Variants in KMT2A observed in about 807,000 individuals in gnomAD.
The protein encoded by KMT2A is histone-lysine N-methyltransferase 2A.
Under a neutral mutation model 345.3 loss-of-function variants are expected in KMT2A, and 16 were observed. The ratio of observed to expected loss-of-function variants is 0.05; its 90% CI spans 0.03 to 0.07. The LOEUF (loss-of-function observed/expected upper bound fraction) is 0.07, where lower values mean the gene tolerates loss of function less well. Ranked by LOEUF, KMT2A falls within the 10% of genes least tolerant of loss-of-function variation. The pLI is 1.00. For missense variants in KMT2A, 3,272 were observed against 4,841.6 expected (o/e 0.68, Z 9.62); for synonymous variants, 1,599 against 1,778.6 (o/e 0.90, Z 2.54).
rs1950069618 is a variant in KMT2A at position 118,478,049 on chromosome 11, G to A, written c.3417G>A (p.Lys1139=). ...IKPIKPVTRN[K]APQEPPVKKG... The stretch of plus-strand genomic sequence containing the variant: ...CAATTAAACCTGTCACTAGAAACAA[G>A]GCACCCCAGGAACCTCCAGTAAAGA... The change falls in exon 5 of 36, where the codon AAG becomes AAA. Residue 1139 remains lysine (K), a synonymous_variant. Coordinates refer to ENST00000534358, the MANE Select transcript of KMT2A (RefSeq NM_001197104.2). The A allele has an allele frequency of 1.9e-6, 3 of 1,614,090 alleles. No individual in the cohort carries two copies. The highest frequency in any genetic ancestry group is 1.1e-5 in the South Asian group (1 of 91,074).
intron 28 of KMT2A, among the ~76,000 whole-genome samples, chr11:118,507,919 C>T (rs573731379): frequency 1.3e-5 from 2 of 152,080 alleles, no homozygotes; most frequent in African/African-American, 2.4e-5. Context: ...GCTGAGATCG[C>T]GCCACTGCAC....
In KMT2A at chr11:118,478,218, C is replaced by T. The variant is rs782375454; in HGVS notation, c.3569+17C>T. ...GTGCTGCAAGTAAGTGGGTGTTTCA[C>T]TCTGAGATGTTGACCTCTCAACCAT... is the stretch of plus-strand genomic sequence containing the variant. On this transcript the variant is annotated intron_variant, in intron 5 of 35. Transcript: ENST00000534358. 15 of 1,587,368 alleles carry T rather than the reference C, an allele frequency of 9.4e-6. No homozygotes were observed. In the South Asian group the frequency reaches 1.2e-4, roughly 13 times the overall value.
chr11:118,462,506 T>G (rs1949763948), intron 1 of KMT2A, among the ~76,000 whole-genome samples: 1 of 152,174 alleles, frequency 6.6e-6, no homozygotes, highest in Non-Finnish European at 1.5e-5. Flanking sequence ...ATATTTCAAG[T>G]GCAAAGAAAG....
chr11:118,496,352 T>C lies in KMT2A; in HGVS notation c.5649T>C (p.Gly1883=), dbSNP rs1555043947. The C allele has an allele frequency of 1.9e-6, 3 of 1,612,858 alleles. No homozygotes were observed. Among genetic ancestry groups the C allele is most frequent in the Non-Finnish European group, 2.5e-6 (3 of 1,178,912 alleles). The change falls in exon 20 of 36, where the codon GGT becomes GGC. Residue 1883 remains glycine, a synonymous_variant. Transcript: ENST00000534358. This position sits in a 1 kb window ranked among gnomAD's most constrained non-coding sequence, Gnocchi z 4.7. ...AGTGTGCGTTATGTTTGACTTATGG[T>C]GATGACAGTGCTAATGTAAGTACTT... ...NRQCALCLTY[G]DDSANDAGRL...
intron 11 of KMT2A, among the ~76,000 whole-genome samples, chr11:118,489,588 A>G (rs939851905): frequency 2.6e-5 from 4 of 152,236 alleles, no homozygotes; most frequent in African/African-American, 7.2e-5. Flanking sequence ...TCTACCTAAT[A>G]TGAATACTCA....
rs138446387 is a variant in KMT2A at position 118,471,738 on chromosome 11, A to G, written c.579A>G (p.Pro193=). ...GAAATTCAGCTATCCTCTCAGATCCATCTGTGTTTTCCCCTCTAAATAAAT... is the reference window on the plus strand; with the variant it reads ...GAAATTCAGCTATCCTCTCAGATCCGTCTGTGTTTTCCCCTCTAAATAAAT... ...SDRNSAILSD[P]SVFSPLNKSE... Residue 193 remains proline (P), a synonymous_variant, in exon 3 of 36, where the codon CCA becomes CCG. Coordinates refer to ENST00000534358, the MANE Select transcript of KMT2A (RefSeq NM_001197104.2). 22 of 1,612,484 alleles carry G rather than the reference A, an allele frequency of 1.4e-5. No homozygotes were observed. The highest frequency in any genetic ancestry group is 1.8e-5 in the Non-Finnish European group (21 of 1,179,636).
At chr11:118,500,954 C>T (rs782103810) in intron 24 of KMT2A, 33 bp from the exon 25 acceptor site, 15 of 1,585,244 alleles carry the variant, frequency 9.5e-6, no homozygotes, top group East Asian at 2.3e-5. Flanking sequence ...TATCCTCTCC[C>T]TTATGATGAT....
chr11:118,478,222 G>T (rs1950072269), intron 5 of KMT2A, 21 bp downstream of exon 5: 1 of 1,579,332 alleles, frequency 6.3e-7, no homozygotes, highest in Non-Finnish European at 8.7e-7. Context: ...GTTTCACTCT[G>T]AGATGTTGAC....
chr11:118,507,928 A>T (rs1432030226), intron 28 of KMT2A, among the ~76,000 whole-genome samples: 1 of 152,172 alleles, frequency 6.6e-6, no homozygotes, highest in Non-Finnish European at 1.5e-5. Flanking sequence ...GCGCCACTGC[A>T]CTCCAGCCTG....
At position 118,520,934 on chromosome 11, in the gene KMT2A, CA is replaced by C. The variant is rs1555053358; in HGVS notation, c.11513+53del. On this transcript the variant is annotated intron_variant, in intron 34 of 35. Coordinates refer to ENST00000534358, the MANE Select transcript of KMT2A (RefSeq NM_001197104.2). This position sits in a 1 kb window ranked among gnomAD's most constrained non-coding sequence, Gnocchi z 4.3. Reference sequence around the variant, plus strand: ...ATTACAGAAAACGAATGCAGTTTTTCAAAATCAAAGCAGACCAAATGCTGGA... The same window carrying C: ...ATTACAGAAAACGAATGCAGTTTTTCAAATCAAAGCAGACCAAATGCTGGA... 6.9e-7 allele frequency: 1 copy of C among 1,443,704 alleles called. No individual in the cohort carries two copies. Among genetic ancestry groups the C allele is most frequent in the Admixed American group, 1.7e-5 (1 of 59,288 alleles). 89.4% of individuals were successfully genotyped at this position (1,443,704 alleles called of 1,614,324 possible). A position where few individuals can be genotyped will look rare whatever the true frequency, so the allele number is the denominator to read the frequency against.
rs781796481 is a variant in KMT2A, at chr11:118,473,475, C to T, written c.2316C>T (p.Pro772=). Residue 772 remains proline (P), a synonymous_variant, in exon 3 of 36, where the codon CCC becomes CCT. Coordinates refer to ENST00000534358, the MANE Select transcript of KMT2A (RefSeq NM_001197104.2). This position sits in a 1 kb window ranked among gnomAD's most constrained non-coding sequence, Gnocchi z 5.2. ...LSSSELSPLT[P]PSSVSSSLSI... is the part of the protein sequence containing the mutation. ...GTTCTGAGCTCTCACCTCTCACCCC[C>T]CCGTCTTCTGTCTCTTCCTCGTTAA... 6.2e-7 allele frequency: 1 copy of T among 1,614,204 alleles called. No homozygotes were observed. Among genetic ancestry groups the T allele is most frequent in the East Asian group, 2.2e-5 (1 of 44,888 alleles).
rs546326399 is a variant in KMT2A, at chr11:118,494,510, C to T, written c.5289+112C>T. 3.9e-5 allele frequency: 32 copies of T among 828,590 alleles called. No homozygotes were observed. The South Asian group carries it at 5.1e-4, about 13-fold the overall frequency. 51.3% of individuals were successfully genotyped at this position (828,590 alleles called of 1,614,324 possible). On this transcript the variant is annotated intron_variant, in intron 17 of 35. Transcript: ENST00000534358. This position sits in a 1 kb window ranked among gnomAD's most constrained non-coding sequence, Gnocchi z 5.8. ...TTGCTTTGTGGTGTGTATAAAACAT[C>T]TTTGGTTTAATTTGATCCCCTGATT...
Position 118,436,507 on chromosome 11 carries a change from G to A in KMT2A, c.-6G>A, listed in dbSNP as rs2134151796. 7.9e-7 allele frequency: 1 copy of A among 1,263,100 alleles called. No homozygotes were observed. The highest frequency in any genetic ancestry group is 3.5e-5 in the South Asian group (1 of 28,240). 78.2% of individuals were successfully genotyped at this position (1,263,100 alleles called of 1,614,324 possible). ...CCCTCTCGCTGCTTCACTTCACGGG[G>A]CGAACATGGCGCACAGCTGTCGGTG... On this transcript the variant is annotated 5_prime_UTR_variant, in exon 1 of 36. Transcript: ENST00000534358. The surrounding 1 kb of genome is among the most constrained non-coding windows in gnomAD (Gnocchi z 6.9).
rs2134356321 is a variant in KMT2A at position 118,496,014 on chromosome 11, C to G, written c.5557+121C>G. 1.1e-6 allele frequency: 1 copy of G among 926,570 alleles called. No individual in the cohort carries two copies. The highest frequency in any genetic ancestry group is 1.7e-5 in the African/African-American group (1 of 60,324). 57.4% of individuals were successfully genotyped at this position (926,570 alleles called of 1,614,324 possible). On this transcript the variant is annotated intron_variant, in intron 19 of 35. Transcript: ENST00000534358. This position sits in a 1 kb window ranked among gnomAD's most constrained non-coding sequence, Gnocchi z 4.7. ...ATCAGAAAGGAATTTTCAGGTCATC[C>G]TTAAATGTAATACCATCATTAATTT...
rs540995018 is a variant in KMT2A, at chr11:118,516,555, T to G, written c.11147-3063T>G. Among the ~76,000 whole-genome samples, 19 of 152,306 alleles carry G rather than the reference T, an allele frequency of 1.2e-4. No homozygotes were observed. In the South Asian group the frequency reaches 3.7e-3, roughly 30 times the overall value. On this transcript the variant is annotated intron_variant, in intron 31 of 35. Transcript: ENST00000534358. ...AGTCCTGAAGTGGGAATATCTTTGA[T>G]GTGTTTATTGTCTGTCTCTTCCATG...
At chr11:118,468,748 T>C in intron 1 of KMT2A, 27 bp from the exon 2 acceptor site, 1 of 1,595,026 alleles carries the variant, frequency 6.3e-7, no homozygotes, top group Non-Finnish European at 8.6e-7. Flanking sequence ...TTGCTTCTGA[T>C]TTTAAAATAA....
At chr11:118,478,238 A>G in intron 5 of KMT2A, 37 bp downstream of exon 5, 1 of 1,516,052 alleles carries the variant, frequency 6.6e-7, no homozygotes, top group Non-Finnish European at 9.1e-7. Context: ...TTGACCTCTC[A>G]ACCATAAAGG....
At position 118,472,631 on chromosome 11, in the gene KMT2A, A is replaced by G. The variant is rs781789646; in HGVS notation, c.1472A>G (p.Gln491Arg). The G allele has an allele frequency of 2.5e-6, 4 of 1,612,460 alleles. No homozygotes were observed. The highest frequency in any genetic ancestry group is 3.4e-6 in the Non-Finnish European group (4 of 1,179,758). ...SPSVDTSTDS[Q>R]ASEEIQVLPE... ...AGTGTTGATACCTCCACAGACTCTC[A>G]GGCTTCTGAGGAGATTCAGGTACTT... is the stretch of plus-strand genomic sequence containing the variant. The change falls in exon 3 of 36, where the codon CAG becomes CGG. Residue 491 changes from glutamine to arginine, a missense_variant. By Grantham distance (43) the Gln-to-Arg change is conservative. This residue lies in a region of KMT2A where 180 missense variants were observed against 190.7 expected (regional missense o/e 0.94). Coordinates refer to ENST00000534358, the MANE Select transcript of KMT2A (RefSeq NM_001197104.2).
chr11:118,507,944 T>C lies in KMT2A; in HGVS notation c.10835+335T>C, dbSNP rs553171834. Among the ~76,000 whole-genome samples the C allele has an allele frequency of 4.1e-3, 629 of 152,214 alleles. 7 individuals carry two copies. Among genetic ancestry groups the C allele is most frequent in the African/African-American group, 0.013 (532 of 41,542 alleles). ...CGCCACTGCACTCCAGCCTGGGCGA[T>C]AGAGCAAGACTCCGTTTCCAAAAAA... On this transcript the variant is annotated intron_variant, in intron 28 of 35. Coordinates refer to ENST00000534358, the MANE Select transcript of KMT2A (RefSeq NM_001197104.2).
Sources: allele counts gnomAD v4.1 joint callset (sites outside exome capture counted in the v4.1 genomes callset), GRCh38; gene constraint gnomAD v4.1.1; regional missense constraint gnomAD v4.1.1; non-coding constraint Gnocchi (gnomAD v3.1); transcripts MANE v1.5; gene names NCBI Gene and HGNC (gene_info 2026-07-23, HGNC 2026-07-21).